The following SEMA3D variants were observed in gnomAD, a reference collection of about 807,000 sequenced individuals.
SEMA3D encodes semaphorin 3D.
In SEMA3D, 84 loss-of-function variants were observed where a neutral mutation model predicts 100.1. The observed-to-expected ratio is 0.84, with a 90% CI of 0.70 to 1.01. The LOEUF (loss-of-function observed/expected upper bound fraction) is 1.01, where lower values mean the gene tolerates loss of function less well. Among genes scored for constraint, SEMA3D ranks in the 50% least tolerant of loss-of-function variants. The pLI is 0.00. For synonymous variants in SEMA3D, 312 were observed against 320.7 expected (o/e 0.97, Z 0.29); for missense variants, 875 against 934.1 (o/e 0.94, Z 0.82).
chr7:85,071,966 G>A (rs866298382), intron 6 of SEMA3D, among the ~76,000 whole-genome samples: 1 of 152,190 alleles, frequency 6.6e-6, no homozygotes, highest in Admixed American at 6.5e-5. Context: ...GAGATAGACT[G>A]CCTTGATTCA....
chr7:85,125,960 T>G (rs563966217), intron 2 of SEMA3D, among the ~76,000 whole-genome samples: 8 of 152,222 alleles, frequency 5.3e-5, no homozygotes, highest in Non-Finnish European at 1.0e-4. Flanking sequence ...TAACTGCATA[T>G]AATCTATTCC....
At chr7:85,113,739 C>T (rs953722329) in intron 3 of SEMA3D, among the ~76,000 whole-genome samples, 3 of 150,202 alleles carry the variant, frequency 2.0e-5, no homozygotes, top group African/African-American at 7.4e-5. Context: ...CCACTGCACT[C>T]CAGCCTGGTG....
chr7:85,069,297 C>T (rs1791708555), intron 6 of SEMA3D, among the ~76,000 whole-genome samples: 2 of 152,052 alleles, frequency 1.3e-5, no homozygotes, highest in African/African-American at 4.8e-5. Flanking sequence ...TTCTTTTGAA[C>T]AAGACCAATA....
intron 1 of SEMA3D, among the ~76,000 whole-genome samples, chr7:85,186,353 C>T (rs2116593086): frequency 1.3e-5 from 2 of 152,278 alleles, no homozygotes; most frequent in South Asian, 4.1e-4. Flanking sequence ...AGCAAAGTTC[C>T]TGGACGCGTC....
intron 9 of SEMA3D, among the ~76,000 whole-genome samples, chr7:85,053,846 T>C (rs1031686363): frequency 1.3e-5 from 2 of 151,984 alleles, no homozygotes; most frequent in African/African-American, 4.8e-5. Flanking sequence ...ATATTCTTTT[T>C]TGATCTCACA....
chr7:85,172,520 A>G (rs1791112441), intron 1 of SEMA3D, among the ~76,000 whole-genome samples: 1 of 151,984 alleles, frequency 6.6e-6, no homozygotes, highest in Non-Finnish European at 1.5e-5. Context: ...CCAAGCAGAT[A>G]AAGCAGCATG....
intron 12 of SEMA3D, among the ~76,000 whole-genome samples, chr7:85,034,968 A>T (rs6468009): frequency 2.1e-3 from 317 of 152,236 alleles, no homozygotes; most frequent in African/African-American, 6.8e-3. Flanking sequence ...CTACTTCAGG[A>T]TATTTATCTA....
chr7:85,040,577 C>A, intron 11 of SEMA3D, 96 bp downstream of exon 11: 1 of 679,832 alleles, frequency 1.5e-6, no homozygotes, highest in Non-Finnish European at 2.6e-6. Context: ...TTACGATATG[C>A]TACTACAAAC....
intron 1 of SEMA3D, among the ~76,000 whole-genome samples, chr7:85,169,808 A>G (rs1212934810): frequency 6.6e-6 from 1 of 151,738 alleles, no homozygotes; most frequent in Non-Finnish European, 1.5e-5. Flanking sequence ...ACTATTGATC[A>G]CTATGCTAGG....
At position 84,999,503 on chromosome 7, in the gene SEMA3D, C is replaced by A; in HGVS notation, c.2271G>T (p.Lys757Asn). 5.0e-6 allele frequency: 8 copies of A among 1,614,072 alleles called. No individual in the cohort carries two copies. The highest frequency in any genetic ancestry group is 6.8e-6 in the Non-Finnish European group (8 of 1,180,006). The stretch of plus-strand genomic sequence containing the variant: ...TGTGATGTCTTCGATTTCGTTTCTT[C>A]TTCATTTCCTGCATGTGCTTCCACT... ...GPKWKHMQEM[K>N]KKRNRRHHRD... The change falls in exon 19 of 19, where the codon AAG becomes AAT. Residue 757 changes from lysine to asparagine, a missense_variant. Physicochemically the swap from Lys to Asn is moderately conservative, Grantham distance 94. Coordinates refer to ENST00000284136, the MANE Select transcript of SEMA3D (RefSeq NM_001384900.1).
chr7:85,163,969 T>C (rs1318245706), intron 1 of SEMA3D, among the ~76,000 whole-genome samples: 1 of 152,150 alleles, frequency 6.6e-6, no homozygotes, highest in Non-Finnish European at 1.5e-5. Flanking sequence ...GAAACATCAA[T>C]AATAAGTAAT....
intron 6 of SEMA3D, among the ~76,000 whole-genome samples, chr7:85,070,304 A>G (rs1791735599): frequency 6.6e-6 from 1 of 152,104 alleles, no homozygotes; most frequent in South Asian, 2.1e-4. Flanking sequence ...ATTTCCCTCA[A>G]ACTTGCTACT....
the SEMA3D span, among the ~76,000 whole-genome samples, chr7:85,216,348 A>G: frequency 7.3e-6 from 1 of 137,442 alleles, no homozygotes; most frequent in Admixed American, 7.6e-5. Flanking sequence ...TGTAACACAA[A>G]TAAGAGTGTT....
intron 2 of SEMA3D, among the ~76,000 whole-genome samples, chr7:85,149,749 C>T (rs1007995717): frequency 1.3e-5 from 2 of 152,094 alleles, no homozygotes; most frequent in African/African-American, 4.8e-5. Context: ...TCAGGGGCTA[C>T]GATTAACATT....
chr7:85,092,917 G>T (rs749561579), intron 4 of SEMA3D, among the ~76,000 whole-genome samples: 14 of 152,094 alleles, frequency 9.2e-5, no homozygotes, highest in South Asian at 2.1e-4. Context: ...AGGATTAGCA[G>T]ATTTTTCAAT....
intron 1 of SEMA3D, among the ~76,000 whole-genome samples, chr7:85,176,772 AT>A (rs2116563274): frequency 7.7e-6 from 1 of 130,500 alleles, no homozygotes; most frequent in African/African-American, 3.1e-5. Flanking sequence ...GTGTGTGTGT[AT>A]TTGTATACAT....
intron 1 of SEMA3D, among the ~76,000 whole-genome samples, chr7:85,172,658 C>T (rs1222133344): frequency 6.6e-6 from 1 of 152,046 alleles, no homozygotes; most frequent in Non-Finnish European, 1.5e-5. Flanking sequence ...CTTGATTGCA[C>T]AAGTGCTGTA....
At chr7:85,009,180 C>A (rs1789883887) in intron 17 of SEMA3D, among the ~76,000 whole-genome samples, 1 of 150,704 alleles carries the variant, frequency 6.6e-6, no homozygotes, top group Non-Finnish European at 1.5e-5. Context: ...TTTTTTTTTC[C>A]TCTAGATTGC....
chr7:85,126,406 T>TGTGTGTC (rs1562828133), intron 2 of SEMA3D, among the ~76,000 whole-genome samples: 20 of 124,438 alleles, frequency 1.6e-4, no homozygotes, highest in African/African-American at 6.0e-4. Flanking sequence ...GTGTGTGTCG[T>TGTGTGTC]GTGTGTGTGT....
Sources: gnomAD v4.1 joint callset for allele counts (sites outside exome capture counted in the v4.1 genomes callset) on GRCh38, gnomAD v4.1.1 for gene constraint, MANE v1.5 for transcripts, NCBI Gene and HGNC (gene_info 2026-07-23, HGNC 2026-07-21) for gene names.